CREB1: variants seen among roughly 807,000 people sequenced by gnomAD.
The protein encoded by CREB1 is cyclic AMP-responsive element-binding protein 1.
Under a neutral mutation model 42.0 loss-of-function variants are expected in CREB1, and 2 were observed. That is an observed-to-expected ratio of 0.05 (90% CI 0.02 to 0.15). The LOEUF (loss-of-function observed/expected upper bound fraction) is 0.15. CREB1 is among the 10% of genes least tolerant of loss of function. The pLI is 1.00. For synonymous variants in CREB1, 123 were observed against 139.9 expected (o/e 0.88, Z 0.85); for missense variants, 199 against 388.9 (o/e 0.51, Z 4.11).
chr2:207,590,210 C>T (rs1363521450), intron 7 of CREB1, among the ~76,000 whole-genome samples: 1 of 149,658 alleles, frequency 6.7e-6, no homozygotes, highest in Non-Finnish European at 1.5e-5. Context: ...AATTCATGAC[C>T]ATAGAGTTGT....
rs911716966 is a variant in CREB1 at position 207,605,665 on chromosome 2, T to C, written c.*8607T>C. ...TCCCTTTTTTTACACAAAAGGTAGG[T>C]ACAAACAGTGGTTTATAAACTGCTG... is the stretch of plus-strand genomic sequence containing the variant. On this transcript the variant is annotated 3_prime_UTR_variant, in exon 8 of 8. Transcript: ENST00000353267. Among the ~76,000 whole-genome samples the C allele has an allele frequency of 6.6e-6, 1 of 152,172 alleles. No homozygotes were observed. The highest frequency in any genetic ancestry group is 2.4e-5 in the African/African-American group (1 of 41,444).
intron 3 of CREB1, among the ~76,000 whole-genome samples, chr2:207,566,054 A>G (rs1018904083): frequency 3.9e-5 from 6 of 152,210 alleles, no homozygotes; most frequent in African/African-American, 1.2e-4. Context: ...TTGTGAATTC[A>G]TTATATGTTG....
intron 7 of CREB1, chr2:207,583,001 CTG>C (rs2083214321): frequency 6.5e-6 from 1 of 154,156 alleles, no homozygotes; most frequent in Non-Finnish European, 1.5e-5. Context: ...ATAGTTGGCT[CTG>C]TTTTCCATAG....
Position 207,603,896 on chromosome 2 carries a change from G to T in CREB1, c.*6838G>T, listed in dbSNP as rs2087582292. On this transcript the variant is annotated 3_prime_UTR_variant, in exon 8 of 8. Transcript: ENST00000353267. The stretch of plus-strand genomic sequence containing the variant: ...ACTATTAACTTCTGAAATAAGTTCT[G>T]AGACGAGACATCTGAAAATAAGCAG... Among the ~76,000 whole-genome samples the T allele has an allele frequency of 6.6e-6, 1 of 152,170 alleles. No homozygotes were observed. The highest frequency in any genetic ancestry group is 2.1e-4 in the South Asian group (1 of 4,834).
chr2:207,533,895 A>C (rs972897488), intron 1 of CREB1, among the ~76,000 whole-genome samples: 1 of 152,164 alleles, frequency 6.6e-6, no homozygotes, highest in Non-Finnish European at 1.5e-5. Flanking sequence ...TACCCACCCT[A>C]AAGGAATTTT....
intron 1 of CREB1, among the ~76,000 whole-genome samples, chr2:207,532,760 TG>T (rs961138061): frequency 1.3e-5 from 2 of 152,104 alleles, no homozygotes; most frequent in South Asian, 2.1e-4. Context: ...TTTATTTATT[TG>T]TTTTTTTGAG....
intron 7 of CREB1, among the ~76,000 whole-genome samples, chr2:207,591,547 C>T (rs2106636698): frequency 6.6e-6 from 1 of 152,268 alleles, no homozygotes; most frequent in African/African-American, 2.4e-5. Flanking sequence ...ATTCTCGTGC[C>T]TCAGCTTCCA....
intron 7 of CREB1, chr2:207,577,987 G>A (rs796525880): frequency 2.3e-5 from 7 of 306,392 alleles, no homozygotes; most frequent in African/African-American, 1.5e-4. Flanking sequence ...TATTGTTCAA[G>A]AAGATCAAGA....
rs73056903 is a variant in CREB1 at position 207,556,067 on chromosome 2, T to A, written c.114+318T>A. 3.4e-3 allele frequency among the ~76,000 whole-genome samples: 523 copies of A among 152,286 alleles called. 5 individuals are homozygous for A. The highest frequency in any genetic ancestry group is 0.012 in the African/African-American group (502 of 41,570). On this transcript the variant is annotated intron_variant, in intron 2 of 7. Transcript: ENST00000353267. ...GGCTATGTATGACAACTGCTTTTTT[T>A]ATTTTTTTAATATGACACAGATTTA...
At position 207,598,195 on chromosome 2, in the gene CREB1, G is replaced by A. The variant is rs1447704825; in HGVS notation, c.*1137G>A. On this transcript the variant is annotated 3_prime_UTR_variant, in exon 8 of 8. Coordinates refer to ENST00000353267, the MANE Select transcript of CREB1 (RefSeq NM_004379.5). ...GAAAGAAGTTGTAAGGATATAAAAA[G>A]TACAGTGTTAGATGTGCACAAGGAA... is the stretch of plus-strand genomic sequence containing the variant. 1 of 182,182 alleles carries A rather than the reference G, an allele frequency of 5.5e-6. No homozygotes were observed. Among genetic ancestry groups the A allele is most frequent in the Admixed American group, 6.3e-5 (1 of 15,986 alleles). The allele number at this position is 182,182 out of a possible 1,614,324, so 11.3% of individuals were successfully genotyped here.
At chr2:207,585,630 T>C (rs2083683785) in intron 7 of CREB1, among the ~76,000 whole-genome samples, 1 of 152,104 alleles carries the variant, frequency 6.6e-6, no homozygotes, top group Non-Finnish European at 1.5e-5. Flanking sequence ...AATAATGATC[T>C]TAAGAAAACT....
At chr2:207,578,407 G>A (rs899209835) in intron 7 of CREB1, among the ~76,000 whole-genome samples, 4 of 152,158 alleles carry the variant, frequency 2.6e-5, no homozygotes, top group Admixed American at 2.6e-4. Context: ...TTTGAAATTA[G>A]TGAAAGTATC....
Position 207,600,836 on chromosome 2 carries a change from CAT to C in CREB1, c.*3779_*3780del, listed in dbSNP as rs1007177282. On this transcript the variant is annotated 3_prime_UTR_variant, in exon 8 of 8. Transcript: ENST00000353267. ...CTATCATTTCTACCTTTTGGGGTGACATGTGGAATCATACAAAGGCTTAGGAA... is the reference window on the plus strand; with the variant it reads ...CTATCATTTCTACCTTTTGGGGTGACGTGGAATCATACAAAGGCTTAGGAA... 3 of 206,128 alleles carry C rather than the reference CAT, an allele frequency of 1.5e-5. No individual in the cohort carries two copies. The highest frequency in any genetic ancestry group is 2.0e-5 in the Non-Finnish European group (2 of 100,908). 12.8% of individuals were successfully genotyped at this position (206,128 alleles called of 1,614,324 possible).
At chr2:207,551,595 A>G (rs2081505792) in intron 1 of CREB1, among the ~76,000 whole-genome samples, 2 of 152,194 alleles carry the variant, frequency 1.3e-5, no homozygotes, top group Admixed American at 1.3e-4. Flanking sequence ...GCCTAGGATC[A>G]AGAGGCTAGG....
intron 4 of CREB1, among the ~76,000 whole-genome samples, chr2:207,568,719 G>T (rs1462820808): frequency 6.6e-6 from 1 of 151,960 alleles, no homozygotes; most frequent in Non-Finnish European, 1.5e-5. Context: ...CTTGGGTTAG[G>T]GTTTTTAGGG....
At chr2:207,544,317 G>T (rs1319890482) in intron 1 of CREB1, among the ~76,000 whole-genome samples, 1 of 152,156 alleles carries the variant, frequency 6.6e-6, no homozygotes. Context: ...TTCTTAATCA[G>T]ATCTGCATCA....
At chr2:207,586,019 A>T (rs2083761672) in intron 7 of CREB1, among the ~76,000 whole-genome samples, 1 of 152,190 alleles carries the variant, frequency 6.6e-6, no homozygotes, top group Non-Finnish European at 1.5e-5. Context: ...CAGGAAGGTC[A>T]TATGTACTAA....
At chr2:207,540,049 A>T (rs2081032752) in intron 1 of CREB1, among the ~76,000 whole-genome samples, 1 of 152,202 alleles carries the variant, frequency 6.6e-6, no homozygotes, top group South Asian at 2.1e-4. Flanking sequence ...TCTTCTCCTT[A>T]GTGTAGACAG....
Position 207,601,455 on chromosome 2 carries a change from T to C in CREB1, c.*4397T>C, listed in dbSNP as rs1384723188. The C allele has an allele frequency of 5.2e-6, 1 of 191,406 alleles. No individual in the cohort carries two copies. Among genetic ancestry groups the C allele is most frequent in the Admixed American group, 6.1e-5 (1 of 16,302 alleles). 11.9% of individuals were successfully genotyped at this position (191,406 alleles called of 1,614,324 possible). Reference sequence around the variant, plus strand: ...AAGAAAAACATCAGGAAATTAGATATGACTAGCCCAGTTAATTAAAAGACG... The same window carrying C: ...AAGAAAAACATCAGGAAATTAGATACGACTAGCCCAGTTAATTAAAAGACG... On this transcript the variant is annotated 3_prime_UTR_variant, in exon 8 of 8. Transcript: ENST00000353267.
Sources: gnomAD v4.1 joint callset for allele counts (sites outside exome capture counted in the v4.1 genomes callset) on GRCh38, gnomAD v4.1.1 for gene constraint, MANE v1.5 for transcripts, NCBI Gene and HGNC (gene_info 2026-07-23, HGNC 2026-07-21) for gene names.